Variants in TECPR1 observed in about 807,000 individuals in gnomAD.
TECPR1 encodes tectonin beta-propeller repeat containing 1.
A neutral mutation model predicts 162.4 loss-of-function variants in TECPR1; 122 were observed. The observed-to-expected ratio is 0.75, with a 90% CI of 0.65 to 0.87. TECPR1 has a LOEUF of 0.87. TECPR1 is among the 40% of genes least tolerant of loss of function. TECPR1 has a pLI of 0.00. For synonymous variants in TECPR1, 642 were observed against 670.6 expected, an observed-to-expected ratio of 0.96 and a Z score of 0.66; for missense variants, 1,432 against 1,618.2, an observed-to-expected ratio of 0.88 and a Z score of 1.97.
In TECPR1 at chr7:98,231,850, C is replaced by T. The variant is rs747512548; in HGVS notation, c.1928G>A (p.Arg643Gln). 63 of 1,612,746 alleles carry T rather than the reference C, an allele frequency of 3.9e-5. No homozygotes were observed. Among genetic ancestry groups the T allele is most frequent in the East Asian group, 1.8e-4 (8 of 44,820 alleles). ...LEQFTGHDGV[R>Q]DSILFIYYVV... Reference sequence around the variant, plus strand: ...ATAGTAGATGAAGAGGATGCTGTCCCGGACGCCGTCGTGCCCCGTGAACTG... The same window carrying T: ...ATAGTAGATGAAGAGGATGCTGTCCTGGACGCCGTCGTGCCCCGTGAACTG... Residue 643 changes from arginine (R) to glutamine (Q), a missense_variant, in exon 13 of 26, where the codon CGG (arginine) becomes CAG (glutamine). Coordinates refer to ENST00000447648, the MANE Select transcript of TECPR1 (RefSeq NM_015395.3).
In TECPR1 at chr7:98,245,932, T is replaced by A. The variant is rs774320450; in HGVS notation, c.215A>T (p.Tyr72Phe). ...DVPIRRREEA[Y>F]ENQRWNPMGG... Reference sequence around the variant, plus strand: ...CATGAGGGTCACTACCTGATTCTCATAGGCCTCCTCTCGGCGGCGGATGGG... The same window carrying A: ...CATGAGGGTCACTACCTGATTCTCAAAGGCCTCCTCTCGGCGGCGGATGGG... Residue 72 changes from tyrosine to phenylalanine, a missense_variant, in exon 3 of 26, where the codon TAT (tyrosine) becomes TTT (phenylalanine). Tyr to Phe is a conservative substitution (Grantham distance 22, BLOSUM62 3). Coordinates refer to ENST00000447648, the MANE Select transcript of TECPR1 (RefSeq NM_015395.3). The A allele has an allele frequency of 1.9e-5, 30 of 1,599,360 alleles. No individual in the cohort carries two copies. Among genetic ancestry groups the A allele is most frequent in the African/African-American group, 2.7e-5 (2 of 74,782 alleles).
At position 98,236,811 on chromosome 7, in the gene TECPR1, G is replaced by C; in HGVS notation, c.1146C>G (p.Asp382Glu). The C allele has an allele frequency of 6.3e-7, 1 of 1,588,870 alleles. No homozygotes were observed. Among genetic ancestry groups the C allele is most frequent in the Non-Finnish European group, 8.5e-7 (1 of 1,171,806 alleles). The change falls in exon 10 of 26, where the codon GAC becomes GAG. Residue 382 changes from aspartate to glutamate, a missense_variant. Coordinates refer to ENST00000447648, the MANE Select transcript of TECPR1 (RefSeq NM_015395.3). ...WKAIIAAREC[D>E]RSHSGSSSSL... ...TAGACGAGCTGCCAGAGTGTGACCG[G>C]TCACACTCTCGGGCCGCGATGATGG...
At chr7:98,234,255 C>T (rs1294561719) in intron 10 of TECPR1, among the ~76,000 whole-genome samples, 13 of 152,198 alleles carry the variant, frequency 8.5e-5, no homozygotes, top group African/African-American at 3.1e-4. Context: ...CAGGTTCAAG[C>T]GATTCTCCTG....
intron 6 of TECPR1, among the ~76,000 whole-genome samples, chr7:98,242,900 C>T (rs1451861907): frequency 2.0e-5 from 3 of 149,790 alleles, no homozygotes; most frequent in African/African-American, 2.5e-5. Context: ...ACCCACCCAC[C>T]CACTCACCCA....
Position 98,241,325 on chromosome 7 carries a change from G to A in TECPR1, c.658-81C>T. On this transcript the variant is annotated intron_variant, in intron 6 of 25. Coordinates refer to ENST00000447648, the MANE Select transcript of TECPR1 (RefSeq NM_015395.3). This position sits in a 1 kb window ranked among gnomAD's most constrained non-coding sequence, Gnocchi z 5.0. ...CACGGGGGTCTCGGTGTGGTAGGGGGTAGGACCCATGTCCCCTGACCGTCC... is the reference window on the plus strand; with the variant it reads ...CACGGGGGTCTCGGTGTGGTAGGGGATAGGACCCATGTCCCCTGACCGTCC... 1 of 1,546,800 alleles carries A rather than the reference G, an allele frequency of 6.5e-7. No homozygotes were observed. Among genetic ancestry groups the A allele is most frequent in the East Asian group, 2.3e-5 (1 of 44,222 alleles).
intron 21 of TECPR1, chr7:98,222,723 C>A (rs1264164648): frequency 7.3e-6 from 6 of 816,830 alleles, no homozygotes; most frequent in Admixed American, 2.7e-5. Context: ...GCAGGGAAAG[C>A]GCCCCCGTGG....
In TECPR1 at chr7:98,241,025, TCTC is replaced by T. The variant is rs778069211; in HGVS notation, c.832+42_832+44del. The T allele has an allele frequency of 4.9e-5, 78 of 1,588,332 alleles. No individual in the cohort carries two copies. The highest frequency in any genetic ancestry group is 5.8e-5 in the Non-Finnish European group (68 of 1,167,656). The stretch of plus-strand genomic sequence containing the variant: ...CTGGGGAGCGAGTGACCCTCACCCT[TCTC>T]CCCAGTACAGGGTATGTGGGTGGGG... On this transcript the variant is annotated intron_variant, in intron 7 of 25. Transcript: ENST00000447648. This position sits in a 1 kb window ranked among gnomAD's most constrained non-coding sequence, Gnocchi z 5.0.
chr7:98,235,839 A>AAAAAAAAAAAC (rs1562940346), intron 10 of TECPR1, among the ~76,000 whole-genome samples: 1 of 130,660 alleles, frequency 7.7e-6, no homozygotes, highest in African/African-American at 2.6e-5. Context: ...AAAAAAAAAA[A>AAAAAAAAAAAC]AAAAAAAAAA....
Position 98,240,900 on chromosome 7 carries a change from T to G in TECPR1, c.884A>C (p.His295Pro). 6 of 1,607,480 alleles carry G rather than the reference T, an allele frequency of 3.7e-6. No homozygotes were observed. Among genetic ancestry groups the G allele is most frequent in the Non-Finnish European group, 5.1e-6 (6 of 1,178,456 alleles). Residue 295 changes from histidine to proline, a missense_variant, in exon 8 of 26, where the codon CAC becomes CCC. By Grantham distance (77) the His-to-Pro change is moderately conservative (BLOSUM62 -2). Coordinates refer to ENST00000447648, the MANE Select transcript of TECPR1 (RefSeq NM_015395.3). ...EPPGSENGVM[H>P]ISVGVSVVWA... ...GACCACGCTGACTCCCACCGAGATGTGCATGACCCCGTTTTCAGATCCAGG... is the reference window on the plus strand; with the variant it reads ...GACCACGCTGACTCCCACCGAGATGGGCATGACCCCGTTTTCAGATCCAGG...
intron 6 of TECPR1, 99 bp downstream of exon 6, chr7:98,243,368 G>T: frequency 6.8e-7 from 1 of 1,467,650 alleles, no homozygotes; most frequent in East Asian, 2.4e-5. Context: ...TGGGGGGGCC[G>T]GGGCTCCGGG....
Position 98,232,751 on chromosome 7 carries a change from T to C in TECPR1, c.1818+76A>G. ...GGCATCTATCTGTTTCTCTCAGAGC[T>C]GGTACACAGCAGGCGCTCAATGAAT... On this transcript the variant is annotated intron_variant, in intron 12 of 25. Coordinates refer to ENST00000447648, the MANE Select transcript of TECPR1 (RefSeq NM_015395.3). This position sits in a 1 kb window ranked among gnomAD's most constrained non-coding sequence, Gnocchi z 4.6. The C allele has an allele frequency of 6.9e-7, 1 of 1,455,568 alleles. No individual in the cohort carries two copies. Among genetic ancestry groups the C allele is most frequent in the Non-Finnish European group, 9.1e-7 (1 of 1,101,830 alleles). 90.2% of individuals were successfully genotyped at this position (1,455,568 alleles called of 1,614,324 possible).
chr7:98,220,514 C>T (rs1247404234), intron 23 of TECPR1, among the ~76,000 whole-genome samples: 2 of 151,392 alleles, frequency 1.3e-5, no homozygotes, highest in Non-Finnish European at 2.9e-5. Context: ...GATTCTCCTG[C>T]CTCAGCCTCC....
Position 98,217,156 on chromosome 7 carries a change from C to T in TECPR1, c.*234G>A. 6.2e-6 allele frequency: 3 copies of T among 486,014 alleles called. No individual in the cohort carries two copies. The highest frequency in any genetic ancestry group is 1.1e-5 in the Non-Finnish European group (3 of 274,872). The allele number at this position is 486,014 out of a possible 1,614,324, so 30.1% of individuals were successfully genotyped here. On this transcript the variant is annotated 3_prime_UTR_variant, in exon 26 of 26. Coordinates refer to ENST00000447648, the MANE Select transcript of TECPR1 (RefSeq NM_015395.3). Reference sequence around the variant, plus strand: ...GGGAGGTGCAGCCCCACCCCATGCCCCACACCCCGGGACTCCTCGCAGACG... The same window carrying T: ...GGGAGGTGCAGCCCCACCCCATGCCTCACACCCCGGGACTCCTCGCAGACG...
chr7:98,249,229 G>C (rs1268817694), intron 2 of TECPR1, among the ~76,000 whole-genome samples: 1 of 152,098 alleles, frequency 6.6e-6, no homozygotes, highest in Non-Finnish European at 1.5e-5. Flanking sequence ...GGTTGAGAAG[G>C]AAGTGAGTGA....
chr7:98,231,096 C>A lies in TECPR1; in HGVS notation c.2147G>T (p.Cys716Phe). The A allele has an allele frequency of 2.5e-6, 4 of 1,603,652 alleles. No homozygotes were observed. Among genetic ancestry groups the A allele is most frequent in the Non-Finnish European group, 3.4e-6 (4 of 1,176,008 alleles). ...GCCCTGCACCTTCCGGCTCTCGCAG[C>A]AAGACAGGCTGAGCAGGGCGAGCTG... is the stretch of plus-strand genomic sequence containing the variant. ...NDWLALLSLS[C>F]CESRKVQGRP... Residue 716 changes from cysteine to phenylalanine, a missense_variant, in exon 15 of 26, where the codon TGC becomes TTC. Transcript: ENST00000447648.
At position 98,222,454 on chromosome 7, in the gene TECPR1, T is replaced by G. The variant is rs1040003565; in HGVS notation, c.2996A>C (p.Gln999Pro). The G allele has an allele frequency of 5.6e-6, 9 of 1,596,052 alleles. No individual in the cohort carries two copies. Among genetic ancestry groups the G allele is most frequent in the Non-Finnish European group, 7.7e-6 (9 of 1,172,364 alleles). The change falls in exon 22 of 26, where the codon CAG becomes CCG. Residue 999 changes from glutamine (Q) to proline (P), a missense_variant. By Grantham distance (76) the Gln-to-Pro change is moderately conservative. Transcript: ENST00000447648. ...FASISIGACY[Q>P]VWAVARDGSA... is the part of the protein sequence containing the mutation. ...GCCGTCCCTTGCCACGGCCCACACCTGGTAGCAGGCCCCGATGGAGATGGA... is the reference window on the plus strand; with the variant it reads ...GCCGTCCCTTGCCACGGCCCACACCGGGTAGCAGGCCCCGATGGAGATGGA...
chr7:98,229,965 C>G (rs60327699), intron 15 of TECPR1, among the ~76,000 whole-genome samples: 33 of 149,434 alleles, frequency 2.2e-4, no homozygotes, highest in Admixed American at 9.9e-4. Context: ...GATCCCCCCC[C>G]CAGGGAACCT....
rs1375471101 is a variant in TECPR1 at position 98,230,947 on chromosome 7, T to C, written c.2282+14A>G. On this transcript the variant is annotated intron_variant, in intron 15 of 25. Transcript: ENST00000447648. ...GCCAGGCCCCAGACCCCACCCAGAGTGCGGCTCACTCACATCTGGTCGCAG... is the reference window on the plus strand; with the variant it reads ...GCCAGGCCCCAGACCCCACCCAGAGCGCGGCTCACTCACATCTGGTCGCAG... 7 of 1,606,128 alleles carry C rather than the reference T, an allele frequency of 4.4e-6. No homozygotes were observed. In the South Asian group the frequency reaches 5.5e-5, roughly 13 times the overall value.
chr7:98,243,590 G>C lies in TECPR1; in HGVS notation c.534C>G (p.Ile178Met), dbSNP rs371302777. The C allele has an allele frequency of 6.2e-7, 1 of 1,611,358 alleles. No homozygotes were observed. Among genetic ancestry groups the C allele is most frequent in the African/African-American group, 1.3e-5 (1 of 74,894 alleles). ...RYKSRDIWAK[I>M]PSKDDPKELP... ...GCTCCTTGGGGTCATCCTTCGAGGG[G>C]ATCTGAAGGAAGGAAGTGAGAAATG... The change falls in exon 6 of 26, where the codon ATC (isoleucine) becomes ATG (methionine). Residue 178 changes from isoleucine (I) to methionine (M), a missense_variant and splice_region_variant. By Grantham distance (10) the Ile-to-Met change is conservative. Transcript: ENST00000447648.
Sources: allele counts gnomAD v4.1 joint callset (sites outside exome capture counted in the v4.1 genomes callset), GRCh38; gene constraint gnomAD v4.1.1; non-coding constraint Gnocchi (gnomAD v3.1); transcripts MANE v1.5; gene names NCBI Gene and HGNC (gene_info 2026-07-23, HGNC 2026-07-21).